Variants in ANTXR1 observed in about 807,000 individuals in gnomAD.
ANTXR1 encodes anthrax toxin receptor 1.
In ANTXR1, 19 loss-of-function variants were observed where a neutral mutation model predicts 78.1. The observed-to-expected ratio is 0.24, with a 90% CI of 0.17 to 0.36. The LOEUF (loss-of-function observed/expected upper bound fraction) is 0.36, where lower values mean the gene tolerates loss of function less well. ANTXR1 is among the 10% of genes least tolerant of loss of function. The pLI is 1.00. For missense variants in ANTXR1, 518 were observed against 718.6 expected, an observed-to-expected ratio of 0.72 and a Z score of 3.19; for synonymous variants, 273 against 260.5, an observed-to-expected ratio of 1.05 and a Z score of -0.46.
chr2:69,043,129 G>A (rs12465994), intron 2 of ANTXR1, among the ~76,000 whole-genome samples: 8,793 of 152,194 alleles, frequency 0.058, 290 homozygotes, highest in Admixed American at 0.11. Flanking sequence ...TTGACAGAAG[G>A]GGAGCAGTAT....
In ANTXR1 at chr2:69,170,273, C is replaced by T. The variant is rs777029263; in HGVS notation, c.1073C>T (p.Pro358Leu). The T allele has an allele frequency of 3.7e-6, 6 of 1,614,048 alleles. No homozygotes were observed. In the South Asian group the frequency reaches 4.4e-5, roughly 12 times the overall value. The change falls in exon 14 of 18, where the codon CCT becomes CTT. Residue 358 changes from proline (P) to leucine (L), a missense_variant. Physicochemically the swap from Pro to Leu is moderately conservative, Grantham distance 98. Coordinates refer to ENST00000303714, the MANE Select transcript of ANTXR1 (RefSeq NM_032208.3). ...ATTATCAAGGAGGTCCCTCCACCCC[C>T]TGCCGAGGAGAGTGAGGTAAGTGAC... ...TVIIKEVPPP[P>L]AEESEEEDDD... is the part of the protein sequence containing the mutation.
At chr2:69,018,448 G>A (rs1177918922) in intron 1 of ANTXR1, among the ~76,000 whole-genome samples, 1 of 152,154 alleles carries the variant, frequency 6.6e-6, no homozygotes, top group Admixed American at 6.5e-5. Flanking sequence ...GTAGCATTAG[G>A]CTGGAAATTT....
chr2:69,195,946 G>A (rs1217964298), intron 17 of ANTXR1, among the ~76,000 whole-genome samples: 1 of 152,048 alleles, frequency 6.6e-6, no homozygotes, highest in Non-Finnish European at 1.5e-5. Flanking sequence ...TTCATAAACT[G>A]GGTCAACCTA....
intron 17 of ANTXR1, among the ~76,000 whole-genome samples, chr2:69,242,362 T>A (rs1675915312): frequency 6.6e-6 from 1 of 152,146 alleles, no homozygotes; most frequent in Non-Finnish European, 1.5e-5. Flanking sequence ...TGCTTTCAAC[T>A]TTTTTGAAAA....
chr2:69,090,170 G>C (rs1480212506), intron 8 of ANTXR1, among the ~76,000 whole-genome samples: 1 of 151,736 alleles, frequency 6.6e-6, no homozygotes, highest in African/African-American at 2.4e-5. Context: ...AAGCAAAAAA[G>C]GAACTCTTGG....
intron 3 of ANTXR1, among the ~76,000 whole-genome samples, chr2:69,062,176 C>T (rs1021288851): frequency 6.6e-6 from 1 of 152,152 alleles, no homozygotes; most frequent in African/African-American, 2.4e-5. Context: ...CTGAGTCTTA[C>T]ATAAACATGT....
At chr2:69,223,711 A>G (rs2104513340) in intron 17 of ANTXR1, among the ~76,000 whole-genome samples, 1 of 152,358 alleles carries the variant, frequency 6.6e-6, no homozygotes, top group African/African-American at 2.4e-5. Flanking sequence ...AGGTTTTAAT[A>G]TCTTCATTGT....
rs765189581 is a variant in ANTXR1 at position 69,152,192 on chromosome 2, C to T, written c.975C>T (p.Ile325=). Residue 325 remains isoleucine, a synonymous_variant, in exon 13 of 18, where the codon ATC becomes ATT. Transcript: ENST00000303714. The part of the protein sequence containing the change: ...THCSDGSILA[I]ALLILFLLLA... Reference sequence around the variant, plus strand: ...AGTCTGACGGTTCCATCCTGGCCATCGCCCTGCTGATCCTGTTCCTGCTCC... The same window carrying T: ...AGTCTGACGGTTCCATCCTGGCCATTGCCCTGCTGATCCTGTTCCTGCTCC... 2.7e-5 allele frequency: 44 copies of T among 1,614,028 alleles called. No homozygotes were observed. Among genetic ancestry groups the T allele is most frequent in the African/African-American group, 1.9e-4 (14 of 74,918 alleles).
intron 14 of ANTXR1, among the ~76,000 whole-genome samples, chr2:69,177,980 T>TTTTTG (rs796705802): frequency 7.9e-5 from 12 of 152,128 alleles, no homozygotes; most frequent in African/African-American, 2.9e-4. Flanking sequence ...GACAGCAAGG[T>TTTTTG]TTTTGTTTTG....
chr2:69,201,189 C>T (rs1674764154), intron 17 of ANTXR1, among the ~76,000 whole-genome samples: 1 of 152,168 alleles, frequency 6.6e-6, no homozygotes. Context: ...GGTGTGGGAG[C>T]TATACCCAGG....
At chr2:69,229,512 G>A (rs1675536868) in intron 17 of ANTXR1, among the ~76,000 whole-genome samples, 1 of 152,058 alleles carries the variant, frequency 6.6e-6, no homozygotes, top group African/African-American at 2.4e-5. Context: ...TTATCTTCTG[G>A]CACCAATATT....
intron 10 of ANTXR1, among the ~76,000 whole-genome samples, chr2:69,109,828 T>C (rs918993505): frequency 1.3e-5 from 2 of 152,114 alleles, no homozygotes; most frequent in African/African-American, 4.8e-5. Flanking sequence ...AAAGAAAAAT[T>C]TGAATGTTTG....
intron 17 of ANTXR1, among the ~76,000 whole-genome samples, chr2:69,202,667 G>A (rs1367848799): frequency 6.6e-6 from 1 of 152,176 alleles, no homozygotes; most frequent in African/African-American, 2.4e-5. Flanking sequence ...TAGATCCCAG[G>A]TATGAGTGAG....
intron 8 of ANTXR1, 195 bp from the exon 9 acceptor site, chr2:69,090,664 C>T: frequency 1.6e-6 from 1 of 625,022 alleles, no homozygotes; most frequent in Non-Finnish European, 2.9e-6. Flanking sequence ...GGATACCCAA[C>T]AGCATCTAGC....
chr2:69,170,018 A>G (rs1331163475), intron 13 of ANTXR1, among the ~76,000 whole-genome samples: 2 of 152,236 alleles, frequency 1.3e-5, no homozygotes, highest in Non-Finnish European at 2.9e-5. Context: ...TCTATACAAA[A>G]CCAGAAGAGA....
At chr2:69,025,067 T>C (rs1021467361) in intron 1 of ANTXR1, among the ~76,000 whole-genome samples, 6 of 152,130 alleles carry the variant, frequency 3.9e-5, no homozygotes, top group African/African-American at 7.2e-5. Flanking sequence ...TTCAAAAAAC[T>C]GTACTGCATA....
intron 17 of ANTXR1, among the ~76,000 whole-genome samples, chr2:69,214,953 CCCTCTGTCCTATTACATAG>C (rs1675139828): frequency 6.6e-6 from 1 of 152,176 alleles, no homozygotes; most frequent in South Asian, 2.1e-4. Context: ...CTGCCGAAGT[CCCTCTGTCCTATTACATAG>C]CCTCTTGGAC....
chr2:69,088,234 T>G (rs74536997), intron 8 of ANTXR1, among the ~76,000 whole-genome samples: 1,811 of 152,270 alleles, frequency 0.012, 36 homozygotes, highest in African/African-American at 0.041. Flanking sequence ...CAATCCCTGG[T>G]TAAGGATCAG....
Position 69,055,812 on chromosome 2 carries a change from A to G in ANTXR1, c.296+10999A>G, listed in dbSNP as rs564944700. On this transcript the variant is annotated intron_variant, in intron 3 of 17. Transcript: ENST00000303714. ...CTTTGTATATAGTACACTGTTACAT[A>G]CCAAGTTTGGGCACCACAGATGTAA... 2.6e-5 allele frequency among the ~76,000 whole-genome samples: 4 copies of G among 152,306 alleles called. No individual in the cohort carries two copies. The South Asian group carries it at 8.3e-4, about 32-fold the overall frequency.
Sources: allele counts gnomAD v4.1 joint callset (sites outside exome capture counted in the v4.1 genomes callset), GRCh38; gene constraint gnomAD v4.1.1; transcripts MANE v1.5; gene names NCBI Gene and HGNC (gene_info 2026-07-23, HGNC 2026-07-21).